Variants in LINGO2 observed in about 807,000 individuals in gnomAD.
LINGO2 encodes leucine-rich repeat and immunoglobulin-like domain-containing nogo receptor-interacting protein 2.
A neutral mutation model predicts 30.6 loss-of-function variants in LINGO2; 14 were observed. The observed-to-expected ratio is 0.46, with a 90% CI of 0.30 to 0.72. The LOEUF is 0.72. LINGO2 is among the 30% of genes least tolerant of loss of function. The probability of loss-of-function intolerance (pLI) is 0.07; values close to 1 mark genes in which losing one functional copy is unlikely to be tolerated. For synonymous variants in LINGO2, 317 were observed against 288.5 expected, an observed-to-expected ratio of 1.10 and a Z score of -1.00; for missense variants, 729 against 751.7, an observed-to-expected ratio of 0.97 and a Z score of 0.35.
chr9:28,388,559 C>T (rs1821694254), intron 2 of LINGO2, among the ~76,000 whole-genome samples: 1 of 152,278 alleles, frequency 6.6e-6, no homozygotes, highest in South Asian at 2.1e-4. Flanking sequence ...TGTTCCACAT[C>T]TTTGCCAAAA....
intron 2 of LINGO2, among the ~76,000 whole-genome samples, chr9:28,380,869 A>G (rs2134628475): frequency 6.6e-6 from 1 of 152,230 alleles, no homozygotes. Flanking sequence ...TGTGTATTTC[A>G]CATGAATGAG....
chr9:28,969,226 T>A, the LINGO2 span, among the ~76,000 whole-genome samples: 1 of 152,126 alleles, frequency 6.6e-6, no homozygotes, highest in Non-Finnish European at 1.5e-5. Flanking sequence ...GGATGTCTTA[T>A]GTGACACAAT....
intron 1 of LINGO2, among the ~76,000 whole-genome samples, chr9:28,623,535 T>C (rs1009586302): frequency 3.9e-4 from 60 of 152,168 alleles, no homozygotes; most frequent in African/African-American, 1.4e-3. Context: ...GGGTTCTCTA[T>C]TCTGTTCTAT....
At chr9:28,890,003 G>A in the LINGO2 span, among the ~76,000 whole-genome samples, 4 of 152,052 alleles carry the variant, frequency 2.6e-5, no homozygotes, top group African/African-American at 7.2e-5. Context: ...TCACACACAG[G>A]GTCTCTGTCC....
At chr9:28,987,948 T>A in the LINGO2 span, among the ~76,000 whole-genome samples, 1 of 152,138 alleles carries the variant, frequency 6.6e-6, no homozygotes, top group African/African-American at 2.4e-5. Flanking sequence ...TTGTGCCTTA[T>A]CATGTGATCT....
the LINGO2 span, among the ~76,000 whole-genome samples, chr9:28,937,904 C>T: frequency 6.6e-6 from 1 of 152,050 alleles, no homozygotes; most frequent in East Asian, 1.9e-4. Context: ...ATCCTAGGAC[C>T]CACTGGTTAT....
At chr9:28,014,928 C>A (rs76896180) in intron 4 of LINGO2, among the ~76,000 whole-genome samples, 1 of 152,132 alleles carries the variant, frequency 6.6e-6, no homozygotes, top group Non-Finnish European at 1.5e-5. Flanking sequence ...CAAATTATTA[C>A]ATGAATCATT....
intron 5 of LINGO2, among the ~76,000 whole-genome samples, chr9:28,002,762 G>A (rs908921758): frequency 3.3e-5 from 5 of 150,736 alleles, no homozygotes; most frequent in African/African-American, 1.2e-4. Context: ...TAGGGCCACT[G>A]TCTGTGTGGA....
At chr9:28,314,754 G>C (rs1824771033) in intron 3 of LINGO2, among the ~76,000 whole-genome samples, 1 of 152,146 alleles carries the variant, frequency 6.6e-6, no homozygotes, top group African/African-American at 2.4e-5. Context: ...GGAGGCAGAG[G>C]CAGGCAGATC....
chr9:28,355,337 C>G (rs112421889), intron 3 of LINGO2, among the ~76,000 whole-genome samples: 1 of 136,556 alleles, frequency 7.3e-6, no homozygotes, highest in African/African-American at 3.0e-5. Context: ...GTCTCTGTCT[C>G]TCTCTCTCTC....
At chr9:28,560,327 T>A (rs893090625) in intron 1 of LINGO2, among the ~76,000 whole-genome samples, 1 of 152,082 alleles carries the variant, frequency 6.6e-6, no homozygotes, top group South Asian at 2.1e-4. Flanking sequence ...GTGTGCCTCA[T>A]CTAATCAGTT....
At chr9:28,245,766 A>G (rs557947534) in intron 4 of LINGO2, among the ~76,000 whole-genome samples, 13 of 152,330 alleles carry the variant, frequency 8.5e-5, no homozygotes, top group African/African-American at 2.9e-4. Context: ...AAGGAGAACT[A>G]CAAACCACTG....
intron 4 of LINGO2, among the ~76,000 whole-genome samples, chr9:28,250,440 G>A (rs1488213588): frequency 2.0e-5 from 3 of 152,174 alleles, no homozygotes. Context: ...TGGAGCTTAA[G>A]AAGCAGGCAA....
At chr9:28,179,514 A>T (rs1464137620) in intron 4 of LINGO2, among the ~76,000 whole-genome samples, 1 of 111,534 alleles carries the variant, frequency 9.0e-6, no homozygotes, top group African/African-American at 3.4e-5. Flanking sequence ...TACTATATAT[A>T]GTTTATATAT....
At chr9:27,989,443 C>G (rs1484907304) in intron 5 of LINGO2, among the ~76,000 whole-genome samples, 1 of 125,738 alleles carries the variant, frequency 8.0e-6, no homozygotes, top group Non-Finnish European at 1.7e-5. Flanking sequence ...AGTGAATGCT[C>G]TCTGTGTGTG....
chr9:28,684,097 C>T, the LINGO2 span, among the ~76,000 whole-genome samples: 5 of 150,200 alleles, frequency 3.3e-5, no homozygotes, highest in African/African-American at 1.2e-4. Context: ...ACATTTTGTA[C>T]CCAGTAATTT....
intron 1 of LINGO2, among the ~76,000 whole-genome samples, chr9:28,524,723 A>G (rs1262273351): frequency 6.6e-6 from 1 of 152,228 alleles, no homozygotes; most frequent in Non-Finnish European, 1.5e-5. Flanking sequence ...ATTGCACTTT[A>G]GCCTGGGCAA....
chr9:28,178,362 A>C (rs555944406), intron 4 of LINGO2, among the ~76,000 whole-genome samples: 2 of 152,282 alleles, frequency 1.3e-5, no homozygotes, highest in Non-Finnish European at 2.9e-5. Context: ...TGGAACATGA[A>C]ATGACTTATA....
rs1823361096 is a variant in LINGO2, at chr9:28,425,323, G to A, written c.-279+50617C>T. On this transcript the variant is annotated intron_variant, in intron 2 of 5. Transcript: ENST00000379992. Reference sequence around the variant, plus strand: ...ACATGTGTATACACAGTATATATGTGTGTGTGTATATATATATATATAAAC... The same window carrying A: ...ACATGTGTATACACAGTATATATGTATGTGTGTATATATATATATATAAAC... 2.8e-5 allele frequency among the ~76,000 whole-genome samples: 3 copies of A among 106,186 alleles called. No homozygotes were observed. In the South Asian group the frequency reaches 1.0e-3, roughly 35 times the overall value. 69.7% of individuals were successfully genotyped at this position (106,186 alleles called of 152,430 possible).
Sources: gnomAD v4.1 joint callset for allele counts (sites outside exome capture counted in the v4.1 genomes callset) on GRCh38, gnomAD v4.1.1 for gene constraint, MANE v1.5 for transcripts, NCBI Gene and HGNC (gene_info 2026-07-23, HGNC 2026-07-21) for gene names.